Variants in PTPRT observed in about 807,000 individuals in gnomAD.
The protein encoded by PTPRT is protein tyrosine phosphatase receptor type T, also known as receptor-type tyrosine-protein phosphatase T.
Under a neutral mutation model 176.8 loss-of-function variants are expected in PTPRT, and 56 were observed. The ratio of observed to expected loss-of-function variants is 0.32; its 90% CI spans 0.26 to 0.40. PTPRT has a LOEUF of 0.40. PTPRT is among the 10% of genes least tolerant of loss of function. The probability of loss-of-function intolerance (pLI) is 1.00; values close to 1 mark genes in which losing one functional copy is unlikely to be tolerated. For synonymous variants in PTPRT, 783 were observed against 739.0 expected, an observed-to-expected ratio of 1.06 and a Z score of -0.96; for missense variants, 1,540 against 1,908.2, an observed-to-expected ratio of 0.81 and a Z score of 3.60.
chr20:42,587,315 T>C (rs2073488819), intron 7 of PTPRT, among the ~76,000 whole-genome samples: 1 of 152,232 alleles, frequency 6.6e-6, no homozygotes, highest in Non-Finnish European at 1.5e-5. Context: ...CATCCCAGCA[T>C]TTACAGACAC....
intron 18 of PTPRT, among the ~76,000 whole-genome samples, chr20:42,135,058 C>T (rs922709161): frequency 6.6e-6 from 1 of 152,204 alleles, no homozygotes; most frequent in African/African-American, 2.4e-5. Flanking sequence ...TCATAGCTGA[C>T]CCCTCACCAC....
chr20:43,105,362 T>G (rs552779343), intron 1 of PTPRT, among the ~76,000 whole-genome samples: 2 of 151,864 alleles, frequency 1.3e-5, no homozygotes, highest in Admixed American at 6.6e-5. Flanking sequence ...ACCAATAGCT[T>G]TACCGACTCC....
intron 17 of PTPRT, among the ~76,000 whole-genome samples, chr20:42,149,704 G>T (rs576490137): frequency 1.3e-5 from 2 of 152,160 alleles, no homozygotes; most frequent in Non-Finnish European, 2.9e-5. Flanking sequence ...GATTACAGGC[G>T]TGAGCCACCG....
intron 1 of PTPRT, among the ~76,000 whole-genome samples, chr20:42,989,091 C>A (rs1178842720): frequency 6.6e-6 from 1 of 152,170 alleles, no homozygotes; most frequent in Non-Finnish European, 1.5e-5. Context: ...GGGCAAATGC[C>A]ATCAGATTGG....
At chr20:42,555,513 T>G (rs1326461038) in intron 7 of PTPRT, among the ~76,000 whole-genome samples, 1 of 152,150 alleles carries the variant, frequency 6.6e-6, no homozygotes, top group Non-Finnish European at 1.5e-5. Context: ...CAACTCCCAA[T>G]AGGGAAGTCA....
intron 1 of PTPRT, among the ~76,000 whole-genome samples, chr20:42,897,347 T>A (rs1010389834): frequency 3.9e-5 from 6 of 152,208 alleles, no homozygotes; most frequent in Non-Finnish European, 8.8e-5. Flanking sequence ...GCAACTCAGG[T>A]TAATGTGGCC....
intron 7 of PTPRT, among the ~76,000 whole-genome samples, chr20:42,510,495 C>A (rs1013407297): frequency 6.6e-6 from 1 of 151,984 alleles, no homozygotes; most frequent in African/African-American, 2.4e-5. Flanking sequence ...CTGCTCACAG[C>A]AAGATGAAGG....
At chr20:42,579,082 T>C (rs1277921133) in intron 7 of PTPRT, among the ~76,000 whole-genome samples, 1 of 112,760 alleles carries the variant, frequency 8.9e-6, no homozygotes, top group Non-Finnish European at 1.7e-5. Flanking sequence ...CAACAGGCCC[T>C]GGTGTGTGAT....
At chr20:42,629,499 G>A (rs139735659) in intron 7 of PTPRT, among the ~76,000 whole-genome samples, 37 of 152,272 alleles carry the variant, frequency 2.4e-4, no homozygotes, top group Non-Finnish European at 4.4e-4. Flanking sequence ...TACACAATGG[G>A]ATCTGGTGGC....
intron 13 of PTPRT, among the ~76,000 whole-genome samples, chr20:42,260,739 G>C (rs1038739728): frequency 6.6e-6 from 1 of 152,138 alleles, no homozygotes; most frequent in Non-Finnish European, 1.5e-5. Context: ...GGCTTGTGAA[G>C]CAAAGCCCAG....
chr20:42,839,357 A>T (rs1022415702), intron 2 of PTPRT, among the ~76,000 whole-genome samples: 2 of 151,722 alleles, frequency 1.3e-5, no homozygotes, highest in Admixed American at 6.6e-5. Flanking sequence ...CTCTCAGGCA[A>T]ATTGGAAAAA....
chr20:42,656,343 T>C (rs553158008), intron 7 of PTPRT, among the ~76,000 whole-genome samples: 1 of 152,164 alleles, frequency 6.6e-6, no homozygotes, highest in African/African-American at 2.4e-5. Context: ...ATATTTGACA[T>C]GTGTTAACGC....
chr20:42,280,803 T>C (rs1181764242), intron 13 of PTPRT, among the ~76,000 whole-genome samples: 1 of 152,142 alleles, frequency 6.6e-6, no homozygotes, highest in Admixed American at 6.5e-5. Flanking sequence ...CAGGAGAGTA[T>C]AGTTTTAGAG....
intron 2 of PTPRT, among the ~76,000 whole-genome samples, chr20:42,831,920 CCGT>C (rs781743489): frequency 6.6e-5 from 10 of 152,232 alleles, no homozygotes; most frequent in Non-Finnish European, 1.3e-4. Context: ...TGCTTGCACA[CCGT>C]CGGTGAGAGT....
chr20:42,253,607 T>C (rs565974815), intron 13 of PTPRT, among the ~76,000 whole-genome samples: 31 of 152,266 alleles, frequency 2.0e-4, no homozygotes, highest in African/African-American at 6.7e-4. Context: ...AATCTGAGAA[T>C]AGGCCAAGCA....
At chr20:42,804,199 C>G (rs1209067536) in intron 2 of PTPRT, among the ~76,000 whole-genome samples, 2 of 152,292 alleles carry the variant, frequency 1.3e-5, no homozygotes, top group East Asian at 3.9e-4. Context: ...TCATCCCTCA[C>G]TCCTCCACCT....
intron 7 of PTPRT, among the ~76,000 whole-genome samples, chr20:42,492,107 G>T (rs2071570314): frequency 6.6e-6 from 1 of 152,140 alleles, no homozygotes; most frequent in Admixed American, 6.5e-5. Context: ...CATTTAGGTA[G>T]TTTCCAGTTT....
intron 6 of PTPRT, among the ~76,000 whole-genome samples, chr20:42,725,848 T>G (rs1259608497): frequency 6.6e-6 from 1 of 151,824 alleles, no homozygotes; most frequent in East Asian, 1.9e-4. Flanking sequence ...CATCATTCTA[T>G]TACAAAGATA....
intron 1 of PTPRT, among the ~76,000 whole-genome samples, chr20:43,133,377 G>A (rs542343580): frequency 6.6e-6 from 1 of 152,304 alleles, no homozygotes; most frequent in African/African-American, 2.4e-5. Context: ...AGACAAAAGG[G>A]ATGAAAGAAA....
Sources: allele counts gnomAD v4.1 joint callset (sites outside exome capture counted in the v4.1 genomes callset), GRCh38; gene constraint gnomAD v4.1.1; transcripts MANE v1.5; gene names NCBI Gene and HGNC (gene_info 2026-07-23, HGNC 2026-07-21).